Variants in GPR157 observed in about 807,000 individuals in gnomAD.
The protein encoded by GPR157 is G protein-coupled receptor 157, also known as G-protein coupled receptor 157.
GPR157 carries 16 observed loss-of-function variants against 23.5 expected under a neutral mutation model. That is an observed-to-expected ratio of 0.68 (90% confidence interval 0.46 to 1.04). The LOEUF is 1.04. Among genes scored for constraint, GPR157 ranks in the 50% least tolerant of loss-of-function variants. The pLI is 0.00. For synonymous variants in GPR157, 200 were observed against 221.5 expected (o/e 0.90, Z 0.86); for missense variants, 440 against 460.7 (o/e 0.96, Z 0.41).
intron 2 of GPR157, among the ~76,000 whole-genome samples, chr1:9,109,782 G>A (rs1638435549): frequency 6.6e-6 from 1 of 152,198 alleles, no homozygotes; most frequent in African/African-American, 2.4e-5. Flanking sequence ...TAGGGCGGGT[G>A]AGAACTGGTT....
chr1:9,105,070 T>C lies in GPR157; in HGVS notation c.792+416A>G, dbSNP rs943694826. Among the ~76,000 whole-genome samples the C allele has an allele frequency of 4.9e-4, 46 of 94,252 alleles. No homozygotes were observed. The highest frequency in any genetic ancestry group is 1.7e-3 in the African/African-American group (35 of 20,640). 61.8% of individuals were successfully genotyped at this position (94,252 alleles called of 152,430 possible). On this transcript the variant is annotated intron_variant, in intron 3 of 3. Transcript: ENST00000377411. The surrounding 1 kb of genome is among the most constrained non-coding windows in gnomAD (Gnocchi z 4.8). ...ACACACACACACACACACACACACATGCATACACACATGCATACATGCACA... is the reference window on the plus strand; with the variant it reads ...ACACACACACACACACACACACACACGCATACACACATGCATACATGCACA...
chr1:9,114,361 A>C (rs1638588036), intron 1 of GPR157, among the ~76,000 whole-genome samples: 1 of 149,404 alleles, frequency 6.7e-6, no homozygotes, highest in African/African-American at 2.5e-5. Context: ...CGGCTCTTCA[A>C]GTGCCACCAC....
intron 1 of GPR157, among the ~76,000 whole-genome samples, chr1:9,123,833 A>T (rs956978524): frequency 3.4e-4 from 38 of 110,328 alleles, no homozygotes; most frequent in Non-Finnish European, 6.5e-4. Context: ...CAAATATTTA[A>T]TTTTAATTGT....
intron 2 of GPR157, among the ~76,000 whole-genome samples, chr1:9,106,194 G>A (rs1340289547): frequency 2.6e-5 from 4 of 152,052 alleles, no homozygotes; most frequent in South Asian, 2.1e-4. Flanking sequence ...AGCTGCCACC[G>A]TGCCGACCTC....
At position 9,116,326 on chromosome 1, in the gene GPR157, A is replaced by ATAATTATAT. The variant is rs1275563972; in HGVS notation, c.384-4838_384-4837insATATAATTA. Among the ~76,000 whole-genome samples, 9 of 14,630 alleles carry ATAATTATAT rather than the reference A, an allele frequency of 6.2e-4. 1 individual carries two copies. Among genetic ancestry groups the ATAATTATAT allele is most frequent in the African/African-American group, 3.7e-3 (9 of 2,440 alleles). The allele number at this position is 14,630 out of a possible 152,430, so 9.6% of individuals were successfully genotyped here. On this transcript the variant is annotated intron_variant, in intron 1 of 3. Coordinates refer to ENST00000377411, the MANE Select transcript of GPR157 (RefSeq NM_024980.5). Reference sequence around the variant, plus strand: ...ATATTATATTATATATAATATATATAAATTATATATAATTTATATATAATT... The same window carrying ATAATTATAT: ...ATATTATATTATATATAATATATATATAATTATATAATTATATATAATTTATATATAATT...
At chr1:9,127,101 AC>A (rs1638977877) in intron 1 of GPR157, among the ~76,000 whole-genome samples, 1 of 151,562 alleles carries the variant, frequency 6.6e-6, no homozygotes, top group African/African-American at 2.4e-5. Context: ...GGCCAGTTGA[AC>A]TCCTGGGCTC....
At chr1:9,113,935 CCT>C (rs1324085644) in intron 1 of GPR157, among the ~76,000 whole-genome samples, 19 of 135,842 alleles carry the variant, frequency 1.4e-4, no homozygotes, top group African/African-American at 4.7e-4. Flanking sequence ...AGAGCAAGAC[CCT>C]GTCTCAAAAA....
rs753947922 is a variant in GPR157, at chr1:9,104,372, C to A, written c.*47G>T. 8 of 1,449,158 alleles carry A rather than the reference C, an allele frequency of 5.5e-6. No homozygotes were observed. Among genetic ancestry groups the A allele is most frequent in the Middle Eastern group, 1.8e-4 (1 of 5,586 alleles). 89.8% of individuals were successfully genotyped at this position (1,449,158 alleles called of 1,614,324 possible). A position where few individuals can be genotyped will look rare whatever the true frequency, so the allele number is the denominator to read the frequency against. ...CAGCAGGGACTCACAGAAGTGCCTA[C>A]CCCCAGGAAGGCAGCACCTATGCAC... On this transcript the variant is annotated 3_prime_UTR_variant, in exon 4 of 4. Coordinates refer to ENST00000377411, the MANE Select transcript of GPR157 (RefSeq NM_024980.5).
At chr1:9,108,839 G>A (rs1449571306) in intron 2 of GPR157, among the ~76,000 whole-genome samples, 1 of 151,746 alleles carries the variant, frequency 6.6e-6, no homozygotes. Flanking sequence ...AGGCTGGAGT[G>A]CAGTGGCGCG....
rs1642556989 is a variant in GPR157 at position 9,100,743 on chromosome 1, TG to T, written c.*3675del. 1 of 152,274 alleles carries T rather than the reference TG, an allele frequency of 6.6e-6. No individual in the cohort carries two copies. Among genetic ancestry groups the T allele is most frequent in the African/African-American group, 2.4e-5 (1 of 41,452 alleles). The allele number at this position is 152,274 out of a possible 1,614,324, so 9.4% of individuals were successfully genotyped here. On this transcript the variant is annotated 3_prime_UTR_variant, in exon 4 of 4. Transcript: ENST00000377411. ...ACTAACAGAGGAGAAAGAAGCCCAC[TG>T]GGGCTGTGCAAAGTGTCCAAGGAGC...
chr1:9,106,086 A>G (rs12738957), intron 2 of GPR157, among the ~76,000 whole-genome samples: 16,918 of 152,136 alleles, frequency 0.11, 1,025 homozygotes, highest in Middle Eastern at 0.2. Flanking sequence ...TTTAAAATAG[A>G]TGCAGGGTCT....
At chr1:9,117,126 G>A (rs1031456832) in intron 1 of GPR157, among the ~76,000 whole-genome samples, 10 of 152,108 alleles carry the variant, frequency 6.6e-5, no homozygotes, top group Non-Finnish European at 1.5e-4. Context: ...CTACAGGCAG[G>A]AGCCCCATGC....
rs1326421451 is a variant in GPR157 at position 9,120,988 on chromosome 1, CA to C, written c.383+7656del. On this transcript the variant is annotated intron_variant, in intron 1 of 3. Coordinates refer to ENST00000377411, the MANE Select transcript of GPR157 (RefSeq NM_024980.5). This position sits in a 1 kb window ranked among gnomAD's most constrained non-coding sequence, Gnocchi z 4.1. ...GATGCCACTGCCTGGGGAGACGGGC[CA>C]GCTCTGCCACTGGCTTGTCCTTGCA... Among the ~76,000 whole-genome samples the C allele has an allele frequency of 1.3e-5, 2 of 152,352 alleles. No individual in the cohort carries two copies. Among genetic ancestry groups the C allele is most frequent in the African/African-American group, 4.8e-5 (2 of 41,576 alleles).
At chr1:9,108,081 G>A (rs1032096452) in intron 2 of GPR157, among the ~76,000 whole-genome samples, 1 of 152,228 alleles carries the variant, frequency 6.6e-6, no homozygotes, top group Non-Finnish European at 1.5e-5. Context: ...ACAGTGAGAC[G>A]CTGCCTCTAA....
rs1378003907 is a variant in GPR157 at position 9,105,530 on chromosome 1, AG to A, written c.747del (p.Cys250ValfsTer214). On this transcript the variant is annotated frameshift_variant, in exon 3 of 4. Coordinates refer to ENST00000377411, the MANE Select transcript of GPR157 (RefSeq NM_024980.5). LOFTEE classifies it low-confidence loss of function (END_TRUNC). This position sits in a 1 kb window ranked among gnomAD's most constrained non-coding sequence, Gnocchi z 4.8. Reference sequence around the variant, plus strand: ...GGCGTCTGCACGGCCGGGGAGCCACAGAGGGTCAGCACGAACCGCACGGTGC... The same window carrying A: ...GGCGTCTGCACGGCCGGGGAGCCACAAGGGTCAGCACGAACCGCACGGTGC... ...VWSTVRFVLT[L>X]CGSPAVQTPV... The A allele has an allele frequency of 6.3e-7, 1 of 1,592,580 alleles. No homozygotes were observed. The highest frequency in any genetic ancestry group is 1.3e-5 in the African/African-American group (1 of 74,800).
intron 1 of GPR157, among the ~76,000 whole-genome samples, chr1:9,125,477 G>A (rs1638945930): frequency 6.6e-6 from 1 of 152,138 alleles, no homozygotes; most frequent in South Asian, 2.1e-4. Flanking sequence ...ATTTCCTGAG[G>A]ATGAGGTCTA....
intron 1 of GPR157, among the ~76,000 whole-genome samples, chr1:9,122,521 T>C (rs1279228207): frequency 6.6e-6 from 1 of 152,122 alleles, no homozygotes; most frequent in Non-Finnish European, 1.5e-5. Context: ...TTGGCAGATA[T>C]CACCTTAGCC....
rs189348327 is a variant in GPR157, at chr1:9,114,218, T to C, written c.384-2729A>G. 4.4e-4 allele frequency among the ~76,000 whole-genome samples: 65 copies of C among 148,604 alleles called. No individual in the cohort carries two copies. In the Admixed American group the frequency reaches 4.4e-3, roughly 10 times the overall value. ...GTAGTGCGTCCCTGTAATCCCATCT[T>C]AGTGGGAGGCTGAGGCGGGAGAATC... On this transcript the variant is annotated intron_variant, in intron 1 of 3. Coordinates refer to ENST00000377411, the MANE Select transcript of GPR157 (RefSeq NM_024980.5).
At chr1:9,123,279 T>C (rs533905329) in intron 1 of GPR157, among the ~76,000 whole-genome samples, 3 of 22,298 alleles carry the variant, frequency 1.3e-4, no homozygotes, top group African/African-American at 5.4e-4. Flanking sequence ...TATTTAAATA[T>C]ATATTTAAAT....
Sources: allele counts gnomAD v4.1 joint callset (sites outside exome capture counted in the v4.1 genomes callset), GRCh38; gene constraint gnomAD v4.1.1; non-coding constraint Gnocchi (gnomAD v3.1); transcripts MANE v1.5; gene names NCBI Gene and HGNC (gene_info 2026-07-23, HGNC 2026-07-21).